The following EPB41 variants were observed in gnomAD, a reference collection of about 807,000 sequenced individuals.
EPB41 encodes the protein protein 4.1.
A neutral mutation model predicts 108.0 loss-of-function variants in EPB41; 65 were observed. The ratio of observed to expected loss-of-function variants is 0.60; its 90% CI spans 0.49 to 0.74. EPB41 has a LOEUF of 0.74. Ranked by LOEUF, EPB41 falls within the 30% of genes least tolerant of loss-of-function variation. The pLI is 0.00. For synonymous variants in EPB41, 336 were observed against 358.9 expected (o/e 0.94, Z 0.72); for missense variants, 875 against 1,037.0 (o/e 0.84, Z 2.15).
intron 15 of EPB41, among the ~76,000 whole-genome samples, chr1:29,062,611 C>T (rs1309395123): frequency 6.6e-6 from 1 of 151,904 alleles, no homozygotes; most frequent in African/African-American, 2.4e-5. Context: ...AGTTTTTTCC[C>T]CTGTAAGGAA....
intron 7 of EPB41, among the ~76,000 whole-genome samples, chr1:29,026,698 C>T (rs1572681825): frequency 6.6e-6 from 1 of 151,996 alleles, no homozygotes. Context: ...CTGAGGTGGG[C>T]TGACTGCTTG....
chr1:29,063,978 C>T (rs1409552738), intron 15 of EPB41, among the ~76,000 whole-genome samples: 1 of 152,144 alleles, frequency 6.6e-6, no homozygotes, highest in African/African-American at 2.4e-5. Context: ...ACCTAAGCTT[C>T]ATTCATTTCT....
intron 11 of EPB41, among the ~76,000 whole-genome samples, chr1:29,050,465 C>T (rs1050561198): frequency 6.6e-5 from 10 of 152,226 alleles, no homozygotes; most frequent in African/African-American, 9.6e-5. Flanking sequence ...GGTGTGAATA[C>T]ACATGTATAA....
intron 16 of EPB41, among the ~76,000 whole-genome samples, chr1:29,094,246 G>A (rs1662382130): frequency 1.3e-5 from 2 of 151,816 alleles, no homozygotes; most frequent in Admixed American, 1.3e-4. Context: ...GCTGGTGTTT[G>A]TTTTTTGTTG....
intron 19 of EPB41, among the ~76,000 whole-genome samples, chr1:29,113,691 C>G (rs948440158): frequency 2.0e-5 from 3 of 152,216 alleles, no homozygotes; most frequent in African/African-American, 7.2e-5. Context: ...TATTACCAAC[C>G]TGAGCTCTAG....
intron 16 of EPB41, among the ~76,000 whole-genome samples, chr1:29,076,832 G>A (rs1654286286): frequency 6.6e-6 from 1 of 151,996 alleles, no homozygotes; most frequent in Non-Finnish European, 1.5e-5. Flanking sequence ...GCTTGAGCCC[G>A]GGAGCTCAAG....
intron 1 of EPB41, among the ~76,000 whole-genome samples, chr1:28,948,359 A>T (rs778842572): frequency 7.9e-4 from 120 of 152,028 alleles, no homozygotes; most frequent in Non-Finnish European, 1.2e-3. Context: ...AAACAAAAAA[A>T]TTAGCCAGGC....
chr1:29,034,541 A>G (rs1049294943), intron 9 of EPB41, among the ~76,000 whole-genome samples: 3 of 152,194 alleles, frequency 2.0e-5, no homozygotes, highest in African/African-American at 7.2e-5. Context: ...TATAGATGAT[A>G]TTATCTAATC....
At chr1:28,902,750 G>C (rs1005330987) in intron 1 of EPB41, among the ~76,000 whole-genome samples, 2 of 152,122 alleles carry the variant, frequency 1.3e-5, no homozygotes, top group Non-Finnish European at 2.9e-5. Flanking sequence ...AAGATTATAA[G>C]TGGAGGAAAT....
chr1:29,026,120 G>A (rs1000400644), intron 7 of EPB41, among the ~76,000 whole-genome samples: 2 of 152,136 alleles, frequency 1.3e-5, no homozygotes, highest in African/African-American at 4.8e-5. Flanking sequence ...AGCCCAGAAT[G>A]GGGAATTCAG....
intron 1 of EPB41, among the ~76,000 whole-genome samples, chr1:28,921,334 A>G (rs926556249): frequency 4.6e-5 from 7 of 152,202 alleles, no homozygotes; most frequent in African/African-American, 1.7e-4. Flanking sequence ...TAATTTACCA[A>G]TTAGAAGTTC....
At chr1:29,014,802 T>C (rs1339758740) in intron 5 of EPB41, among the ~76,000 whole-genome samples, 2 of 152,208 alleles carry the variant, frequency 1.3e-5, no homozygotes, top group African/African-American at 4.8e-5. Flanking sequence ...CTTTTTTGTT[T>C]AACATAATTT....
intron 4 of EPB41, among the ~76,000 whole-genome samples, chr1:29,000,976 T>C (rs1029147598): frequency 6.6e-6 from 1 of 152,062 alleles, no homozygotes; most frequent in Admixed American, 6.6e-5. Flanking sequence ...AGATTCATCT[T>C]AGGATTGTCA....
chr1:29,025,059 C>T (rs1225369929), intron 7 of EPB41, among the ~76,000 whole-genome samples: 1 of 152,004 alleles, frequency 6.6e-6, no homozygotes, highest in Non-Finnish European at 1.5e-5. Flanking sequence ...TAGAAGACAG[C>T]CTGCATAAAT....
intron 1 of EPB41, among the ~76,000 whole-genome samples, chr1:28,980,659 G>T (rs2095716094): frequency 6.6e-6 from 1 of 152,022 alleles, no homozygotes; most frequent in Non-Finnish European, 1.5e-5. Context: ...TGAGGTTGAA[G>T]TGAGCCGAGA....
chr1:28,914,598 G>GTCGC lies in EPB41; in HGVS notation c.-167_-164dup, dbSNP rs922537265. ...GGAAGGCGGGAGGGCGCGCGCCAGG[G>GTCGC]TCGCTCGCTCGCTCCCTCCCTCCGC... On this transcript the variant is annotated 5_prime_UTR_variant, in exon 1 of 21. Transcript: ENST00000343067. 2.0e-5 allele frequency: 3 copies of GTCGC among 151,834 alleles called. No individual in the cohort carries two copies. The highest frequency in any genetic ancestry group is 4.8e-5 in the African/African-American group (2 of 41,364). The allele number at this position is 151,834 out of a possible 1,614,324, so 9.4% of individuals were successfully genotyped here.
chr1:28,993,184 T>C, intron 2 of EPB41, 146 bp from the exon 3 acceptor site: 1 of 665,654 alleles, frequency 1.5e-6, no homozygotes. Flanking sequence ...TCATACTATT[T>C]TTTATAGAAA....
intron 1 of EPB41, among the ~76,000 whole-genome samples, chr1:28,953,181 A>G (rs1415589552): frequency 4.0e-5 from 6 of 151,598 alleles, no homozygotes; most frequent in African/African-American, 1.5e-4. Flanking sequence ...GTATACTCTT[A>G]TCTCTCTCTC....
intron 1 of EPB41, among the ~76,000 whole-genome samples, chr1:28,982,969 CT>C (rs2095793675): frequency 6.6e-6 from 1 of 151,606 alleles, no homozygotes; most frequent in South Asian, 2.1e-4. Flanking sequence ...GGATTTTGGT[CT>C]TTTGGGATTT....
Sources: allele counts gnomAD v4.1 joint callset (sites outside exome capture counted in the v4.1 genomes callset), GRCh38; gene constraint gnomAD v4.1.1; transcripts MANE v1.5; gene names NCBI Gene and HGNC (gene_info 2026-07-23, HGNC 2026-07-21).